CRACR2A: variants seen among roughly 807,000 people sequenced by gnomAD.
The protein encoded by CRACR2A is EF-hand calcium-binding domain-containing protein 4B.
In CRACR2A, 79 loss-of-function variants were observed where a neutral mutation model predicts 90.5. The observed-to-expected ratio is 0.87, with a 90% CI of 0.73 to 1.05. CRACR2A has a LOEUF of 1.05. CRACR2A is among the 50% of genes least tolerant of loss of function. The pLI, the probability that CRACR2A is intolerant of heterozygous loss-of-function variation, is 0.00. For synonymous variants in CRACR2A, 338 were observed against 356.7 expected (o/e 0.95, Z 0.59); for missense variants, 823 against 897.2 (o/e 0.92, Z 1.06).
intron 2 of CRACR2A, among the ~76,000 whole-genome samples, chr12:3,717,734 G>A (rs924115378): frequency 5.3e-5 from 8 of 152,194 alleles, no homozygotes; most frequent in African/African-American, 1.9e-4. Flanking sequence ...ATAAGAACAT[G>A]CCAGCAGTTA....
At chr12:3,698,099 C>T (rs1346389501) in intron 3 of CRACR2A, among the ~76,000 whole-genome samples, 1 of 152,142 alleles carries the variant, frequency 6.6e-6, no homozygotes, top group Non-Finnish European at 1.5e-5. Context: ...GAAATCGCCA[C>T]ATCATAAAAT....
At chr12:3,666,356 C>T (rs7971678) in intron 7 of CRACR2A, among the ~76,000 whole-genome samples, 100,156 of 144,368 alleles carry the variant, frequency 0.69, 34,322 homozygotes, top group African/African-American at 0.78. Flanking sequence ...TGTGTGTGTG[C>T]GTGCGTGTGC....
Position 3,640,725 on chromosome 12 carries a change from G to A in CRACR2A, c.1271+1007C>T, listed in dbSNP as rs142228158. On this transcript the variant is annotated intron_variant, in intron 13 of 19. Coordinates refer to ENST00000440314, the MANE Select transcript of CRACR2A (RefSeq NM_001144958.2). ...TCATTTCATGCTTGCAGTCTTCAAG[G>A]TCTCTCTGGGTCTGATACTGAAGAG... 9.9e-3 allele frequency: 12,938 copies of A among 1,305,220 alleles called. 90 individuals carry two copies. The highest frequency in any genetic ancestry group is 0.014 in the Middle Eastern group (66 of 4,698). 80.9% of individuals were successfully genotyped at this position (1,305,220 alleles called of 1,614,324 possible).
intron 3 of CRACR2A, among the ~76,000 whole-genome samples, chr12:3,707,412 A>G (rs1264577385): frequency 6.6e-6 from 1 of 152,236 alleles, no homozygotes; most frequent in Non-Finnish European, 1.5e-5. Flanking sequence ...TAATGATTTG[A>G]GGTCTCTGTG....
chr12:3,648,761 T>C (rs1944740289), intron 10 of CRACR2A, 148 bp from the exon 11 acceptor site: 1 of 1,135,686 alleles, frequency 8.8e-7, no homozygotes, highest in South Asian at 1.7e-5. Context: ...TCCTACAGTA[T>C]GCAAGTGCTT....
At chr12:3,752,450 C>G (rs1591733769) in intron 1 of CRACR2A, 1 of 153,372 alleles carries the variant, frequency 6.5e-6, no homozygotes, top group Non-Finnish European at 1.4e-5. Context: ...GGCCAGCACA[C>G]GCGGGGGCCA....
Position 3,642,844 on chromosome 12 carries a change from T to A in CRACR2A, c.1165-1006A>T, listed in dbSNP as rs143635957. ...GGCGGGGGAGTTAGACTGCAGGAAA[T>A]CTCTCTCGTTAATTAGCCATCCCAT... is the stretch of plus-strand genomic sequence containing the variant. On this transcript the variant is annotated intron_variant, in intron 12 of 19. Transcript: ENST00000440314. Among the ~76,000 whole-genome samples the A allele has an allele frequency of 2.9e-3, 448 of 152,214 alleles. 3 individuals are homozygous for A. The highest frequency in any genetic ancestry group is 9.7e-3 in the African/African-American group (403 of 41,526).
chr12:3,658,485 G>A lies in CRACR2A; in HGVS notation c.762+1079C>T, dbSNP rs1041847890. Reference sequence around the variant, plus strand: ...TGCCGTCAACTAGGTTGAGGGGCAGGAGCAGCCAGAATGCTTTCAGGCGCT... The same window carrying A: ...TGCCGTCAACTAGGTTGAGGGGCAGAAGCAGCCAGAATGCTTTCAGGCGCT... On this transcript the variant is annotated intron_variant, in intron 8 of 19. Transcript: ENST00000440314. Among the ~76,000 whole-genome samples the A allele has an allele frequency of 4.6e-5, 7 of 152,182 alleles. No homozygotes were observed. The South Asian group carries it at 6.2e-4, about 14-fold the overall frequency.
At chr12:3,674,767 A>T (rs1945310930) in intron 6 of CRACR2A, among the ~76,000 whole-genome samples, 1 of 152,140 alleles carries the variant, frequency 6.6e-6, no homozygotes, top group Non-Finnish European at 1.5e-5. Flanking sequence ...ATTTTCCAAC[A>T]CTTTTTTCAC....
At chr12:3,672,669 T>A (rs1195930084) in intron 7 of CRACR2A, 4 of 739,634 alleles carry the variant, frequency 5.4e-6, no homozygotes, top group Admixed American at 6.3e-5. Context: ...CCCATAACCA[T>A]GCATTAATTC....
chr12:3,639,399 C>T (rs1226233374), intron 13 of CRACR2A, among the ~76,000 whole-genome samples: 10 of 147,470 alleles, frequency 6.8e-5, no homozygotes, highest in Admixed American at 6.3e-4. Flanking sequence ...AGAGCAAAGG[C>T]CTCACAGAAA....
chr12:3,644,671 CA>C (rs1944653925), intron 11 of CRACR2A, 31 bp from the exon 12 acceptor site: 1 of 1,550,902 alleles, frequency 6.4e-7, no homozygotes. Context: ...TCTATTCAAA[CA>C]TGGAGTTTGC....
At chr12:3,686,322 C>T (rs555375983) in intron 4 of CRACR2A, among the ~76,000 whole-genome samples, 10 of 152,282 alleles carry the variant, frequency 6.6e-5, no homozygotes, top group South Asian at 2.1e-4. Flanking sequence ...AAAGTAGCCA[C>T]GGAAAACACA....
At chr12:3,634,859 TA>T (rs561183416) in intron 14 of CRACR2A, among the ~76,000 whole-genome samples, 3 of 149,742 alleles carry the variant, frequency 2.0e-5, no homozygotes, top group Non-Finnish European at 4.5e-5. Flanking sequence ...AACTAAAAGT[TA>T]AAAAAAAAAT....
At position 3,638,214 on chromosome 12, in the gene CRACR2A, C is replaced by G; in HGVS notation, c.1512G>C (p.Gly504=). ...CSEEEEVSDQ[G]VQGQIPEAPP... is the part of the protein sequence containing the mutation. ...GGGCCTCCGGGATTTGTCCCTGTAC[C>G]CCCTGGTCAGAGACCTCTTCCTCTT... The change falls in exon 14 of 20, where the codon GGG becomes GGC. Residue 504 remains glycine (G), a synonymous_variant. Transcript: ENST00000440314. 6.4e-7 allele frequency: 1 copy of G among 1,551,636 alleles called. No individual in the cohort carries two copies. Among genetic ancestry groups the G allele is most frequent in the Non-Finnish European group, 8.7e-7 (1 of 1,146,972 alleles).
At chr12:3,631,387 T>C (rs1944372800) in intron 15 of CRACR2A, among the ~76,000 whole-genome samples, 1 of 152,132 alleles carries the variant, frequency 6.6e-6, no homozygotes. Flanking sequence ...ACATGCACAC[T>C]GCTCAGGGCA....
chr12:3,664,204 G>A (rs1945087632), intron 7 of CRACR2A, among the ~76,000 whole-genome samples: 1 of 152,160 alleles, frequency 6.6e-6, no homozygotes, highest in Non-Finnish European at 1.5e-5. Flanking sequence ...TTATATTATA[G>A]TAAGAAATGG....
chr12:3,745,012 A>C (rs1323573175), intron 1 of CRACR2A, among the ~76,000 whole-genome samples: 1 of 151,998 alleles, frequency 6.6e-6, no homozygotes, highest in Admixed American at 6.6e-5. Flanking sequence ...CTAAACCTCA[A>C]CTCTCTGCCC....
At chr12:3,648,294 G>A in intron 11 of CRACR2A, 1 of 1,422,720 alleles carries the variant, frequency 7.0e-7, no homozygotes, top group Non-Finnish European at 9.2e-7. Flanking sequence ...GAGGGACTCA[G>A]AGGAGTGGGG....
Sources: gnomAD v4.1 joint callset for allele counts (sites outside exome capture counted in the v4.1 genomes callset) on GRCh38, gnomAD v4.1.1 for gene constraint, MANE v1.5 for transcripts, NCBI Gene and HGNC (gene_info 2026-07-23, HGNC 2026-07-21) for gene names.